The following SLC8A1 variants were observed in gnomAD, a reference collection of about 807,000 sequenced individuals.
SLC8A1 encodes the protein sodium/calcium exchanger 1.
A neutral mutation model predicts 68.3 loss-of-function variants in SLC8A1; 18 were observed. The observed-to-expected ratio is 0.26, with a 90% CI of 0.18 to 0.39. SLC8A1 has a LOEUF of 0.39. Ranked by LOEUF, SLC8A1 falls within the 10% of genes least tolerant of loss-of-function variation. The pLI is 1.00. For synonymous variants in SLC8A1, 475 were observed against 415.5 expected (o/e 1.14, Z -1.74); for missense variants, 985 against 1,156.7 (o/e 0.85, Z 2.15).
At chr2:40,253,042 T>TAGATATGTATATAC (rs1395230226) in intron 2 of SLC8A1, among the ~76,000 whole-genome samples, 6 of 138,784 alleles carry the variant, frequency 4.3e-5, no homozygotes, top group Non-Finnish European at 7.8e-5. Flanking sequence ...TATGTATCAG[T>TAGATATGTATATAC]ATATGTATAT....
chr2:40,407,815 G>C (rs543192422), intron 2 of SLC8A1, among the ~76,000 whole-genome samples: 3 of 152,316 alleles, frequency 2.0e-5, no homozygotes, highest in African/African-American at 7.2e-5. Flanking sequence ...AGGTAAAGGA[G>C]ATGGTCAAGA....
At chr2:40,319,325 T>C (rs930320679) in intron 2 of SLC8A1, among the ~76,000 whole-genome samples, 3 of 152,114 alleles carry the variant, frequency 2.0e-5, no homozygotes, top group African/African-American at 7.2e-5. Flanking sequence ...TTGCTTTCTT[T>C]CACTATTCTT....
At chr2:40,425,608 G>A (rs933594635) in intron 2 of SLC8A1, among the ~76,000 whole-genome samples, 1 of 151,674 alleles carries the variant, frequency 6.6e-6, no homozygotes, top group Non-Finnish European at 1.5e-5. Flanking sequence ...GGCGCCATCA[G>A]CCATGTTTAA....
At chr2:40,372,321 G>T (rs1678360500) in intron 2 of SLC8A1, among the ~76,000 whole-genome samples, 1 of 152,082 alleles carries the variant, frequency 6.6e-6, no homozygotes, top group African/African-American at 2.4e-5. Context: ...GTGTATGTGT[G>T]TTCTACCACA....
chr2:40,383,990 G>C (rs1174955783), intron 2 of SLC8A1, among the ~76,000 whole-genome samples: 3 of 152,124 alleles, frequency 2.0e-5, no homozygotes, highest in African/African-American at 7.2e-5. Flanking sequence ...GCCAGGTGCA[G>C]TGACTCACAC....
At position 40,195,479 on chromosome 2, in the gene SLC8A1, T is replaced by C. The variant is rs889748925; in HGVS notation, c.1809-17624A>G. 2.0e-5 allele frequency among the ~76,000 whole-genome samples: 3 copies of C among 152,040 alleles called. No individual in the cohort carries two copies. The South Asian group carries it at 6.2e-4, about 31-fold the overall frequency. On this transcript the variant is annotated intron_variant, in intron 2 of 7. Transcript: ENST00000406785. ...CTTGTGGAGAACTGGAGGAAAGGAA[T>C]GAAGCTGAGAAAGAATTTGGAGAAA...
intron 7 of SLC8A1, among the ~76,000 whole-genome samples, chr2:40,127,331 A>G (rs1486815298): frequency 3.3e-5 from 5 of 152,158 alleles, no homozygotes; most frequent in African/African-American, 9.7e-5. Flanking sequence ...CAAAGCACAG[A>G]CTAAACGGCA....
At chr2:40,398,998 G>C (rs2149642231) in intron 2 of SLC8A1, among the ~76,000 whole-genome samples, 1 of 152,208 alleles carries the variant, frequency 6.6e-6, no homozygotes, top group African/African-American at 2.4e-5. Context: ...TTTTAAAAAT[G>C]AAATAAGGAA....
intron 2 of SLC8A1, among the ~76,000 whole-genome samples, chr2:40,376,713 C>A (rs1002820103): frequency 4.6e-5 from 7 of 151,996 alleles, no homozygotes; most frequent in African/African-American, 1.7e-4. Context: ...AGACAAGGAC[C>A]GATGATGCTT....
At chr2:40,170,470 T>C (rs1056123608) in intron 4 of SLC8A1, 121 bp from the exon 7 acceptor site, 5 of 814,726 alleles carry the variant, frequency 6.1e-6, no homozygotes, top group African/African-American at 3.4e-5. Flanking sequence ...CAACGTTAGT[T>C]TGGGGATTCA....
At position 40,318,214 on chromosome 2, in the gene SLC8A1, G is replaced by A. The variant is rs921486191; in HGVS notation, c.1808+110259C>T. ...TCATCCAGTGATTTTTAAAATTCTG[G>A]TGTGCGTCAGAATTTCCTAGAGGAA... On this transcript the variant is annotated intron_variant, in intron 2 of 7. Coordinates refer to ENST00000406785, the Ensembl canonical transcript of SLC8A1. Among the ~76,000 whole-genome samples, 6 of 151,972 alleles carry A rather than the reference G, an allele frequency of 3.9e-5. No homozygotes were observed. The East Asian group carries it at 1.2e-3, about 29-fold the overall frequency.
intron 6 of SLC8A1, among the ~76,000 whole-genome samples, chr2:40,152,994 A>G (rs886230272): frequency 1.3e-5 from 2 of 152,088 alleles, no homozygotes; most frequent in Admixed American, 1.3e-4. Flanking sequence ...TAGAAGAGAG[A>G]CTATAACTGA....
intron 1 of SLC8A1, among the ~76,000 whole-genome samples, chr2:40,501,538 G>A (rs1307326760): frequency 6.6e-6 from 1 of 152,114 alleles, no homozygotes; most frequent in Non-Finnish European, 1.5e-5. Context: ...GAATATGGAT[G>A]CAATCTACCT....
chr2:40,385,349 G>A (rs1683224210), intron 2 of SLC8A1, among the ~76,000 whole-genome samples: 1 of 146,620 alleles, frequency 6.8e-6, no homozygotes, highest in Non-Finnish European at 1.5e-5. Context: ...CACACTTAAA[G>A]AAAGTTGTCT....
Position 40,256,132 on chromosome 2 carries a change from A to G in SLC8A1, c.1809-78277T>C, listed in dbSNP as rs190611062. Among the ~76,000 whole-genome samples the G allele has an allele frequency of 2.4e-3, 359 of 152,318 alleles. 4 individuals carry two copies. Among genetic ancestry groups the G allele is most frequent in the African/African-American group, 8.2e-3 (342 of 41,552 alleles). On this transcript the variant is annotated intron_variant, in intron 2 of 7. Coordinates refer to ENST00000406785, the Ensembl canonical transcript of SLC8A1. Reference sequence around the variant, plus strand: ...CTGCATAATCTTGCAAGAAATTTCTAAAACCATAAGACACACGGCATTTTT... The same window carrying G: ...CTGCATAATCTTGCAAGAAATTTCTGAAACCATAAGACACACGGCATTTTT...
chr2:40,302,421 G>C (rs902242760), intron 2 of SLC8A1, among the ~76,000 whole-genome samples: 3 of 146,346 alleles, frequency 2.0e-5, no homozygotes, highest in Non-Finnish European at 4.5e-5. Flanking sequence ...CCTTTTTATG[G>C]CTGGGTAGTA....
chr2:40,123,669 T>G (rs1558440329), intron 7 of SLC8A1, among the ~76,000 whole-genome samples: 1 of 152,234 alleles, frequency 6.6e-6, no homozygotes, highest in African/African-American at 2.4e-5. Flanking sequence ...AAGCCATGAT[T>G]CTGTTACTTT....
chr2:40,134,123 G>A (rs1244817084), intron 7 of SLC8A1, among the ~76,000 whole-genome samples: 1 of 150,044 alleles, frequency 6.7e-6, no homozygotes, highest in Non-Finnish European at 1.5e-5. Context: ...ATGGAATCTT[G>A]CTCTGTTGCC....
chr2:40,240,531 A>C (rs1214591735), intron 2 of SLC8A1, among the ~76,000 whole-genome samples: 2 of 152,222 alleles, frequency 1.3e-5, no homozygotes, highest in Non-Finnish European at 2.9e-5. Flanking sequence ...TGCTATATCC[A>C]ACAAGTCCCA....
Sources: allele counts gnomAD v4.1 joint callset (sites outside exome capture counted in the v4.1 genomes callset), GRCh38; gene constraint gnomAD v4.1.1; transcripts MANE v1.5; gene names NCBI Gene and HGNC (gene_info 2026-07-23, HGNC 2026-07-21).